The following SLCO1C1 variants were observed in gnomAD, a reference collection of about 807,000 sequenced individuals.
SLCO1C1 encodes OAT-RP-5.
In SLCO1C1, 70 loss-of-function variants were observed where a neutral mutation model predicts 76.4. The ratio of observed to expected loss-of-function variants is 0.92; its 90% CI spans 0.76 to 1.12. SLCO1C1 has a LOEUF of 1.12. Among genes scored for constraint, SLCO1C1 ranks in the 50% most tolerant of loss-of-function variants. The probability of loss-of-function intolerance (pLI) is 0.00; values close to 1 mark genes in which losing one functional copy is unlikely to be tolerated. For missense variants in SLCO1C1, 912 were observed against 823.8 expected (o/e 1.11, Z -1.31); for synonymous variants, 306 against 286.1 (o/e 1.07, Z -0.70).
chr12:20,696,416 G>A (rs933356252), intron 1 of SLCO1C1, among the ~76,000 whole-genome samples: 2 of 152,078 alleles, frequency 1.3e-5, no homozygotes, highest in African/African-American at 2.4e-5. Flanking sequence ...GACAGAGTCC[G>A]AGTCAGTTGC....
chr12:20,722,426 T>C (rs771321886), intron 8 of SLCO1C1, among the ~76,000 whole-genome samples: 1 of 152,212 alleles, frequency 6.6e-6, no homozygotes, highest in African/African-American at 2.4e-5. Flanking sequence ...TATCAATGCA[T>C]GTCTCTCACC....
In SLCO1C1 at chr12:20,744,494, A is replaced by G. The variant is rs1008258297; in HGVS notation, c.1798+1125A>G. On this transcript the variant is annotated intron_variant, in intron 13 of 14. Transcript: ENST00000266509. ...TTTTGAGAAGAAAAAAACAAGCAAC[A>G]AAGTAGAAAAATGAGCAAAAGATGT... Among the ~76,000 whole-genome samples, 6 of 152,126 alleles carry G rather than the reference A, an allele frequency of 3.9e-5. 1 individual carries two copies.
chr12:20,725,545 T>G (rs1047908192), intron 9 of SLCO1C1, among the ~76,000 whole-genome samples: 2 of 147,950 alleles, frequency 1.4e-5, no homozygotes, highest in Non-Finnish European at 3.0e-5. Context: ...GGTGGGCCAC[T>G]ATGCTCATTT....
At chr12:20,713,904 A>G (rs1947250817) in intron 5 of SLCO1C1, among the ~76,000 whole-genome samples, 2 of 152,214 alleles carry the variant, frequency 1.3e-5, no homozygotes, top group African/African-American at 2.4e-5. Flanking sequence ...ACTTCTCTAC[A>G]AGAAGACTCG....
rs773753793 is a variant in SLCO1C1, at chr12:20,715,329, G to C, written c.676+44G>C. The C allele has an allele frequency of 1.2e-5, 20 of 1,603,016 alleles. 2 individuals are homozygous for C. In the South Asian group the frequency reaches 2.2e-4, roughly 18 times the overall value. On this transcript the variant is annotated intron_variant, in intron 6 of 14. Transcript: ENST00000266509. ...TTCACTTATCTTCTTGGGAAGCAGG[G>C]TGTCTAGTTTTCTGAATTCCCCTCT...
chr12:20,749,293 A>T (rs1221690521), intron 13 of SLCO1C1, among the ~76,000 whole-genome samples: 3 of 152,190 alleles, frequency 2.0e-5, no homozygotes, highest in African/African-American at 4.8e-5. Flanking sequence ...CAAATGCCGG[A>T]AACAACCAGA....
chr12:20,737,447 C>G (rs1185088550), intron 11 of SLCO1C1, among the ~76,000 whole-genome samples, 175 bp downstream of exon 11: 2 of 152,064 alleles, frequency 1.3e-5, no homozygotes, highest in Non-Finnish European at 2.9e-5. Context: ...ACTGGAGTTG[C>G]TGAAAAAATT....
chr12:20,707,378 T>C (rs552256266), intron 4 of SLCO1C1, among the ~76,000 whole-genome samples: 1 of 152,052 alleles, frequency 6.6e-6, no homozygotes, highest in African/African-American at 2.4e-5. Context: ...TGAGCTTCCA[T>C]GTGACAGTTT....
chr12:20,712,793 A>G (rs993160785), intron 5 of SLCO1C1, among the ~76,000 whole-genome samples: 3 of 152,114 alleles, frequency 2.0e-5, no homozygotes, highest in African/African-American at 7.2e-5. Flanking sequence ...CTAAAAACAT[A>G]TGGAAATGTG....
chr12:20,737,413 A>G (rs748566969), intron 11 of SLCO1C1, 141 bp downstream of exon 11: 10 of 859,990 alleles, frequency 1.2e-5, no homozygotes, highest in Non-Finnish European at 1.6e-5. Context: ...AGAAAAAGAA[A>G]ATGTTATAAC....
chr12:20,702,540 C>T (rs1456000221), intron 3 of SLCO1C1, among the ~76,000 whole-genome samples: 2 of 151,824 alleles, frequency 1.3e-5, no homozygotes, highest in African/African-American at 4.8e-5. Context: ...CTAATAAGCT[C>T]CTAAATGATA....
intron 12 of SLCO1C1, among the ~76,000 whole-genome samples, chr12:20,742,533 T>C (rs1364977587): frequency 1.3e-5 from 2 of 151,866 alleles, no homozygotes; most frequent in Non-Finnish European, 2.9e-5. Flanking sequence ...CTGATTTATT[T>C]ATTTATTTAT....
At chr12:20,750,027 A>G (rs10841610) in intron 13 of SLCO1C1, among the ~76,000 whole-genome samples, 69,180 of 151,696 alleles carry the variant, frequency 0.46, 17,582 homozygotes, top group South Asian at 0.63. Context: ...TCTGAAATGT[A>G]AGACAACAAT....
intron 5 of SLCO1C1, among the ~76,000 whole-genome samples, chr12:20,712,746 A>C (rs1947176590): frequency 6.6e-6 from 1 of 152,176 alleles, no homozygotes; most frequent in Admixed American, 6.5e-5. Context: ...CCAGGCAATG[A>C]ACCCCGGCTG....
At position 20,726,229 on chromosome 12, in the gene SLCO1C1, C is replaced by G. The variant is rs574958538; in HGVS notation, c.1186+2975C>G. On this transcript the variant is annotated intron_variant, in intron 9 of 14. Coordinates refer to ENST00000266509, the MANE Select transcript of SLCO1C1 (RefSeq NM_017435.5). Reference sequence around the variant, plus strand: ...TTATTTCTCTCTTTCTTTTCTTCTTCTATTCAACCTCTCTTTTTCTTATTT... The same window carrying G: ...TTATTTCTCTCTTTCTTTTCTTCTTGTATTCAACCTCTCTTTTTCTTATTT... 3.9e-4 allele frequency among the ~76,000 whole-genome samples: 58 copies of G among 150,570 alleles called. 1 individual carries two copies. Among genetic ancestry groups the G allele is most frequent in the Admixed American group, 2.7e-3 (41 of 15,060 alleles).
intron 9 of SLCO1C1, among the ~76,000 whole-genome samples, chr12:20,725,251 A>G (rs1380417903): frequency 7.4e-6 from 1 of 135,714 alleles, no homozygotes; most frequent in African/African-American, 2.6e-5. Context: ...AAATAAAAAT[A>G]TGTATTTTAA....
chr12:20,713,913 C>T lies in SLCO1C1; in HGVS notation c.530-1226C>T, dbSNP rs551431649. Among the ~76,000 whole-genome samples, 38 of 152,278 alleles carry T rather than the reference C, an allele frequency of 2.5e-4. 1 individual carries two copies. In the South Asian group the frequency reaches 7.3e-3, roughly 29 times the overall value. Reference sequence around the variant, plus strand: ...GCCTACACTTCTCTACAAGAAGACTCGCCTACCAACAAGCTTCTTAAAATT... The same window carrying T: ...GCCTACACTTCTCTACAAGAAGACTTGCCTACCAACAAGCTTCTTAAAATT... On this transcript the variant is annotated intron_variant, in intron 5 of 14. Transcript: ENST00000266509.
chr12:20,739,238 CAAAG>C (rs1948687376), intron 11 of SLCO1C1, among the ~76,000 whole-genome samples: 1 of 151,998 alleles, frequency 6.6e-6, no homozygotes. Flanking sequence ...TGCATAATAA[CAAAG>C]CAGCAGTTTC....
chr12:20,743,338 G>A lies in SLCO1C1; in HGVS notation c.1767G>A (p.Leu589=). ...AGCCACAGCTTAAGTCTTTTGCCTT[G>A]GGTATCTACACATTAGCAATAAGAG... The part of the protein sequence containing the change: ...CIKPQLKSFA[L]GIYTLAIRVL... Residue 589 remains leucine, a synonymous_variant, in exon 13 of 15, where the codon TTG becomes TTA. Transcript: ENST00000266509. 6.2e-7 allele frequency: 1 copy of A among 1,612,094 alleles called. No individual in the cohort carries two copies.
Sources: gnomAD v4.1 joint callset for allele counts (sites outside exome capture counted in the v4.1 genomes callset) on GRCh38, gnomAD v4.1.1 for gene constraint, MANE v1.5 for transcripts, NCBI Gene and HGNC (gene_info 2026-07-23, HGNC 2026-07-21) for gene names.